PTPRN: variants seen among roughly 807,000 people sequenced by gnomAD.
PTPRN encodes the protein receptor-type tyrosine-protein phosphatase-like N.
PTPRN carries 70 observed loss-of-function variants against 108.5 expected under a neutral mutation model. The observed-to-expected ratio is 0.65, with a 90% CI of 0.53 to 0.79. The LOEUF (loss-of-function observed/expected upper bound fraction) is 0.79, where lower values mean the gene tolerates loss of function less well. Ranked by LOEUF, PTPRN falls within the 30% of genes least tolerant of loss-of-function variation. The pLI is 0.00. For missense variants in PTPRN, 1,136 were observed against 1,295.5 expected (o/e 0.88, Z 1.89); for synonymous variants, 496 against 524.6 (o/e 0.95, Z 0.75).
At position 219,290,862 on chromosome 2, in the gene PTPRN, T is replaced by C. The variant is rs776251144; in HGVS notation, c.2758A>G (p.Ile920Val). 9.3e-6 allele frequency: 15 copies of C among 1,613,810 alleles called. No individual in the cohort carries two copies. The highest frequency in any genetic ancestry group is 1.3e-5 in the Non-Finnish European group (15 of 1,179,962). ...CGGTTCAGGACCATGTCGATGAGGA[T>C]GTAGGTGCCGGTCCTCCCCGCACCA... ...SDGAGRTGTYILIDMVLNRMA... is the reference protein window; with the variant it reads ...SDGAGRTGTYVLIDMVLNRMA... Residue 920 changes from isoleucine to valine, a missense_variant, in exon 21 of 23, where the codon ATC becomes GTC. Ile to Val is a conservative substitution (Grantham distance 29, BLOSUM62 3). Coordinates refer to ENST00000295718, the MANE Select transcript of PTPRN (RefSeq NM_002846.4). The surrounding 1 kb of genome is among the most constrained non-coding windows in gnomAD (Gnocchi z 4.2).
At chr2:219,291,314 G>A (rs1952049247) in intron 20 of PTPRN, among the ~76,000 whole-genome samples, 156 bp downstream of exon 20, 2 of 152,302 alleles carry the variant, frequency 1.3e-5, no homozygotes, top group South Asian at 4.1e-4. Context: ...TTAAAACTGT[G>A]AATGCCACGC....
In PTPRN at chr2:219,295,111, C is replaced by A; in HGVS notation, c.2539G>T (p.Glu847Ter). 1.9e-6 allele frequency: 3 copies of A among 1,612,908 alleles called. No homozygotes were observed. The highest frequency in any genetic ancestry group is 2.5e-6 in the Non-Finnish European group (3 of 1,179,398). ...VNLVSEHIWC[E>*]DFLVRSFYLK... The stretch of plus-strand genomic sequence containing the variant: ...TAGAAGCTCCGCACCAGAAAGTCCT[C>A]GCACCAGATGTGCTCCGACACCAGG... The change falls in exon 19 of 23, where the codon GAG (glutamate) becomes TAG (stop). Residue 847 changes from glutamate to a stop codon, truncating the protein, a stop_gained. Coordinates refer to ENST00000295718, the MANE Select transcript of PTPRN (RefSeq NM_002846.4). LOFTEE classifies it high-confidence loss of function.
At chr2:219,294,893 G>T (rs1468471686) in intron 19 of PTPRN, 82 bp downstream of exon 19, 11 of 1,329,424 alleles carry the variant, frequency 8.3e-6, no homozygotes, top group Non-Finnish European at 1.1e-5. Flanking sequence ...GGCCCGACCC[G>T]GGGCTCCAGG....
At position 219,300,275 on chromosome 2, in the gene PTPRN, T is replaced by C. The variant is rs775127966; in HGVS notation, c.1162-16A>G. 1.8e-5 allele frequency: 28 copies of C among 1,543,672 alleles called. No homozygotes were observed. Among genetic ancestry groups the C allele is most frequent in the Non-Finnish European group, 2.2e-5 (25 of 1,144,368 alleles). ...CCTCCATTGTCTGTTCAGAAGAGGG[T>C]GGAGGTGTGGCCTCTGGACAGTGCT... is the stretch of plus-strand genomic sequence containing the variant. On this transcript the variant is annotated splice_polypyrimidine_tract_variant and intron_variant, in intron 8 of 22. Coordinates refer to ENST00000295718, the MANE Select transcript of PTPRN (RefSeq NM_002846.4).
intron 6 of PTPRN, among the ~76,000 whole-genome samples, 193 bp downstream of exon 6, chr2:219,301,944 G>A (rs1952358893): frequency 1.3e-5 from 2 of 152,214 alleles, no homozygotes; most frequent in Non-Finnish European, 2.9e-5. Flanking sequence ...CCACTGGAAG[G>A]AGAGTCACGT....
At chr2:219,303,544 A>G (rs1300810111) in intron 4 of PTPRN, among the ~76,000 whole-genome samples, 191 bp downstream of exon 4, 2 of 152,180 alleles carry the variant, frequency 1.3e-5, no homozygotes, top group East Asian at 3.9e-4. Context: ...GTTTTTCTGG[A>G]TCCCTAGAGA....
rs965363402 is a variant in PTPRN at position 219,305,002 on chromosome 2, C to T, written c.281-1171G>A. On this transcript the variant is annotated intron_variant, in intron 3 of 22. Coordinates refer to ENST00000295718, the MANE Select transcript of PTPRN (RefSeq NM_002846.4). ...CAGGATTTTATTCCCAACTATTCTA[C>T]CAAAGCTGCTCTCATCAAGAGCAGC... 5.3e-5 allele frequency among the ~76,000 whole-genome samples: 8 copies of T among 152,222 alleles called. No homozygotes were observed. In the South Asian group the frequency reaches 1.5e-3, roughly 28 times the overall value.
rs1952142923 is a variant in PTPRN at position 219,294,860 on chromosome 2, A to G, written c.2675+115T>C. ...AGCGTGGGGTCTGGAGCGGGCGGCC[A>G]GAAGTCAGAGGCCGAGGCTCCAGGC... On this transcript the variant is annotated intron_variant, in intron 19 of 22. Transcript: ENST00000295718. 1.2e-5 allele frequency: 13 copies of G among 1,109,954 alleles called. No homozygotes were observed. In the South Asian group the frequency reaches 2.6e-4, roughly 22 times the overall value. The allele number at this position is 1,109,954 out of a possible 1,614,324, so 68.8% of individuals were successfully genotyped here.
intron 18 of PTPRN, chr2:219,295,994 AC>A: frequency 1.7e-6 from 1 of 577,482 alleles, no homozygotes; most frequent in Non-Finnish European, 3.0e-6. Flanking sequence ...ACACACACAC[AC>A]ACACACACAT....
chr2:219,300,949 G>A lies in PTPRN; in HGVS notation c.1155C>T (p.Ile385=). 6.2e-7 allele frequency: 1 copy of A among 1,614,062 alleles called. No homozygotes were observed. Residue 385 remains isoleucine (I), a synonymous_variant, in exon 8 of 23, where the codon ATC becomes ATT. Transcript: ENST00000295718. The part of the protein sequence containing the change: ...PGGVVNVGAD[I]KKTMEGPVEG... The stretch of plus-strand genomic sequence containing the variant: ...GGAGGTGCTGGGGACTCACTTTCTT[G>A]ATATCAGCTCCAACATTTACAACCC...
chr2:219,309,107 A>C (rs527278763), intron 1 of PTPRN, 111 bp downstream of exon 1: 15 of 1,272,052 alleles, frequency 1.2e-5, no homozygotes, highest in Admixed American at 5.4e-5. Context: ...CCCCCAACCC[A>C]TATTCTCCCC....
rs1330983546 is a variant in PTPRN at position 219,296,007 on chromosome 2, T to TGTGTTCTGTAAAC, written c.2508+218_2508+219insGTTTACAGAACAC. The TGTGTTCTGTAAAC allele has an allele frequency of 2.0e-5, 12 of 610,798 alleles. No individual in the cohort carries two copies. The highest frequency in any genetic ancestry group is 3.0e-5 in the Non-Finnish European group (11 of 361,310). The allele number at this position is 610,798 out of a possible 1,614,324, so 37.8% of individuals were successfully genotyped here. A position where few individuals can be genotyped will look rare whatever the true frequency, so the allele number is the denominator to read the frequency against. ...ACACACACACACACACACACACATG[T>TGTGTTCTGTAAAC]ATGTTCTGTAAACAGGACACACACA... On this transcript the variant is annotated intron_variant, in intron 18 of 22. Coordinates refer to ENST00000295718, the MANE Select transcript of PTPRN (RefSeq NM_002846.4). This position sits in a 1 kb window ranked among gnomAD's most constrained non-coding sequence, Gnocchi z 6.0.
At chr2:219,301,013 G>A (rs2125094789) in intron 7 of PTPRN, 36 bp from the exon 8 acceptor site, 2 of 1,611,282 alleles carry the variant, frequency 1.2e-6, no homozygotes, top group East Asian at 4.5e-5. Context: ...TGGAAAAATG[G>A]CCATGGCCAA....
In PTPRN at chr2:219,302,845, G is replaced by A. The variant is rs776924365; in HGVS notation, c.378-8C>T. The A allele has an allele frequency of 6.2e-7, 1 of 1,606,846 alleles. No individual in the cohort carries two copies. Among genetic ancestry groups the A allele is most frequent in the Non-Finnish European group, 8.5e-7 (1 of 1,178,188 alleles). On this transcript the variant is annotated splice_region_variant and splice_polypyrimidine_tract_variant and intron_variant, in intron 4 of 22. Coordinates refer to ENST00000295718, the MANE Select transcript of PTPRN (RefSeq NM_002846.4). ...TTGGGTGCCAAGCCAGACCTGTAGA[G>A]GAAAGCAAAGTGTGTGTGTTGGAGC...
In PTPRN at chr2:219,302,492, C is replaced by A; in HGVS notation, c.640-1G>T. On this transcript the variant is annotated splice_acceptor_variant, in intron 5 of 22. Transcript: ENST00000295718. LOFTEE classifies it high-confidence loss of function. ...CCCTGGAGCCATCACGGGAGCCAAA[C>A]TGTGGAAAACCAGAGATCTGGGTAA... 1 of 1,613,840 alleles carries A rather than the reference C, an allele frequency of 6.2e-7. No homozygotes were observed. The highest frequency in any genetic ancestry group is 8.5e-7 in the Non-Finnish European group (1 of 1,179,880).
intron 9 of PTPRN, 40 bp from the exon 10 acceptor site, chr2:219,299,826 C>A (rs1426301706): frequency 5.1e-6 from 8 of 1,569,234 alleles, no homozygotes; most frequent in East Asian, 2.3e-5. Flanking sequence ...AGTGGGGCAA[C>A]CCTCTCAGTC....
At chr2:219,303,055 C>G (rs995310405) in intron 4 of PTPRN, among the ~76,000 whole-genome samples, 1 of 152,188 alleles carries the variant, frequency 6.6e-6, no homozygotes, top group African/African-American at 2.4e-5. Context: ...CCCTGGTGAG[C>G]ATGGCTGAGT....
rs1254191834 is a variant in PTPRN at position 219,296,541 on chromosome 2, G to A, written c.2311-25C>T. On this transcript the variant is annotated intron_variant, in intron 16 of 22. Coordinates refer to ENST00000295718, the MANE Select transcript of PTPRN (RefSeq NM_002846.4). This position sits in a 1 kb window ranked among gnomAD's most constrained non-coding sequence, Gnocchi z 6.0. ...TCTGGAGGCAGGGAAGATACACCAT[G>A]AGCCAGTGTGGGAAATGCCACTATG... The A allele has an allele frequency of 1.9e-6, 3 of 1,613,176 alleles. No homozygotes were observed. Among genetic ancestry groups the A allele is most frequent in the Non-Finnish European group, 2.5e-6 (3 of 1,179,462 alleles).
chr2:219,291,028 T>C, intron 20 of PTPRN, 138 bp from the exon 21 acceptor site: 1 of 786,454 alleles, frequency 1.3e-6, no homozygotes, highest in Non-Finnish European at 2.2e-6. Context: ...AGAGGGACAG[T>C]GAGCCGAGGA....
Sources: gnomAD v4.1 joint callset for allele counts (sites outside exome capture counted in the v4.1 genomes callset) on GRCh38, gnomAD v4.1.1 for gene constraint, Gnocchi (gnomAD v3.1) non-coding constraint, MANE v1.5 for transcripts, NCBI Gene and HGNC (gene_info 2026-07-23, HGNC 2026-07-21) for gene names.